Variants in ITK observed in about 807,000 individuals in gnomAD.
The protein encoded by ITK is IL2 inducible T cell kinase, also known as tyrosine-protein kinase ITK/TSK.
ITK carries 45 observed loss-of-function variants against 87.6 expected under a neutral mutation model. That is an observed-to-expected ratio of 0.51 (90% confidence interval 0.40 to 0.66). The LOEUF is 0.66. ITK is among the 30% of genes least tolerant of loss of function. ITK has a pLI of 0.00. For synonymous variants in ITK, 303 were observed against 273.6 expected (o/e 1.11, Z -1.06); for missense variants, 605 against 766.3 (o/e 0.79, Z 2.48).
At chr5:157,225,549 C>T (rs1754515332) in intron 6 of ITK, among the ~76,000 whole-genome samples, 1 of 151,980 alleles carries the variant, frequency 6.6e-6, no homozygotes, top group South Asian at 2.1e-4. Flanking sequence ...TTTCAAGGTG[C>T]CTTCTCTTTA....
At chr5:157,217,759 T>C in intron 4 of ITK, 108 bp from the exon 5 acceptor site, 2 of 919,044 alleles carry the variant, frequency 2.2e-6, no homozygotes, top group Non-Finnish European at 1.8e-6. Context: ...TTTCTTCTGT[T>C]GTTTTCCCTG....
At chr5:157,214,852 T>G (rs928678905) in intron 4 of ITK, among the ~76,000 whole-genome samples, 14 of 152,218 alleles carry the variant, frequency 9.2e-5, no homozygotes, top group African/African-American at 3.1e-4. Context: ...CATTTTACTC[T>G]GTGATTTCTC....
At chr5:157,204,567 C>T (rs1334043514) in intron 1 of ITK, among the ~76,000 whole-genome samples, 1 of 152,090 alleles carries the variant, frequency 6.6e-6, no homozygotes, top group East Asian at 1.9e-4. Context: ...GGCGTGGTGG[C>T]ACATGCCTGT....
Position 157,255,142 on chromosome 5 carries a change from A to G in ITK, c.*2464A>G, listed in dbSNP as rs1755225426. 5.4e-6 allele frequency: 1 copy of G among 185,748 alleles called. No individual in the cohort carries two copies. The highest frequency in any genetic ancestry group is 2.0e-4 in the South Asian group (1 of 5,094). 11.5% of individuals were successfully genotyped at this position (185,748 alleles called of 1,614,324 possible). ...GAGCACACAGAGTTAAAAGTTGAAT[A>G]TAGCAATATTAAAGCTGCATTTTAA... On this transcript the variant is annotated 3_prime_UTR_variant, in exon 17 of 17. Transcript: ENST00000422843.
chr5:157,207,153 A>G (rs2113751032), intron 1 of ITK, among the ~76,000 whole-genome samples: 1 of 152,232 alleles, frequency 6.6e-6, no homozygotes, highest in South Asian at 2.1e-4. Context: ...TAATGAGATT[A>G]ATCAAAAACA....
intron 11 of ITK, among the ~76,000 whole-genome samples, chr5:157,242,322 T>C (rs1472209078): frequency 6.6e-6 from 1 of 152,202 alleles, no homozygotes; most frequent in Admixed American, 6.5e-5. Context: ...GTGCTGCCTG[T>C]GGAGAAGGCT....
chr5:157,250,060 A>C (rs929774906), intron 16 of ITK, among the ~76,000 whole-genome samples: 1 of 152,150 alleles, frequency 6.6e-6, no homozygotes, highest in African/African-American at 2.4e-5. Context: ...CAATTAGTGA[A>C]CCTCTATTCA....
chr5:157,225,419 C>T (rs1177373998), intron 6 of ITK, among the ~76,000 whole-genome samples: 1 of 151,490 alleles, frequency 6.6e-6, no homozygotes, highest in Non-Finnish European at 1.5e-5. Context: ...ATGGAAGTGC[C>T]AAGACTGGGT....
intron 1 of ITK, among the ~76,000 whole-genome samples, chr5:157,197,314 G>C (rs1223916787): frequency 6.6e-6 from 1 of 152,100 alleles, no homozygotes; most frequent in Non-Finnish European, 1.5e-5. Flanking sequence ...GGTTACAAGG[G>C]CGTGCATCAT....
chr5:157,210,823 T>A lies in ITK; in HGVS notation c.244-464T>A, dbSNP rs140620433. On this transcript the variant is annotated intron_variant, in intron 2 of 16. Transcript: ENST00000422843. The stretch of plus-strand genomic sequence containing the variant: ...TTGTGGTTACGTAAGATGTCATCAG[T>A]GGAGAAAAGTAGGTGAAAAGTACAC... 2.6e-5 allele frequency among the ~76,000 whole-genome samples: 4 copies of A among 151,558 alleles called. No homozygotes were observed. In the East Asian group the frequency reaches 7.8e-4, roughly 30 times the overall value.
At chr5:157,202,679 G>A (rs1182374942) in intron 1 of ITK, among the ~76,000 whole-genome samples, 1 of 152,094 alleles carries the variant, frequency 6.6e-6, no homozygotes, top group African/African-American at 2.4e-5. Context: ...TGGGTCAAAT[G>A]GTAATTCTGT....
At chr5:157,218,503 C>A (rs1162779284) in intron 5 of ITK, among the ~76,000 whole-genome samples, 1 of 130,880 alleles carries the variant, frequency 7.6e-6, no homozygotes, top group Admixed American at 7.9e-5. Context: ...AGCAAGACCC[C>A]GTCTCCAGAA....
At chr5:157,241,982 A>G (rs1195847057) in intron 11 of ITK, among the ~76,000 whole-genome samples, 1 of 152,248 alleles carries the variant, frequency 6.6e-6, no homozygotes, top group African/African-American at 2.4e-5. Context: ...TTAAGCACCT[A>G]CTTTGTACAG....
chr5:157,188,981 G>A (rs1753699594), intron 1 of ITK, among the ~76,000 whole-genome samples: 1 of 152,162 alleles, frequency 6.6e-6, no homozygotes, highest in Admixed American at 6.5e-5. Context: ...GCACTGGTTA[G>A]TTGTAGTAGG....
intron 1 of ITK, 81 bp from the exon 2 acceptor site, chr5:157,208,808 T>C: frequency 1.0e-6 from 1 of 953,610 alleles, no homozygotes; most frequent in Non-Finnish European, 1.7e-6. Flanking sequence ...GGATCTTATC[T>C]AGCAGTAGAT....
At chr5:157,207,697 C>T (rs1754111072) in intron 1 of ITK, among the ~76,000 whole-genome samples, 1 of 152,050 alleles carries the variant, frequency 6.6e-6, no homozygotes, top group African/African-American at 2.4e-5. Context: ...CTCCTTAATC[C>T]AGTCAATTTG....
chr5:157,190,111 A>G (rs1250687629), intron 1 of ITK, among the ~76,000 whole-genome samples: 4 of 152,214 alleles, frequency 2.6e-5, no homozygotes, highest in Non-Finnish European at 5.9e-5. Flanking sequence ...TTTTAATAAA[A>G]TAAGAGCTAG....
chr5:157,233,837 A>AAGATGATT (rs1754706926), intron 8 of ITK, among the ~76,000 whole-genome samples: 1 of 148,552 alleles, frequency 6.7e-6, no homozygotes. Context: ...TGACTTCTAA[A>AAGATGATT]AGATGATTCC....
At chr5:157,185,871 C>A (rs1300015509) in intron 1 of ITK, among the ~76,000 whole-genome samples, 1 of 152,028 alleles carries the variant, frequency 6.6e-6, no homozygotes, top group Non-Finnish European at 1.5e-5. Flanking sequence ...ATTAAACATT[C>A]CTTCATGATC....
Sources: gnomAD v4.1 joint callset for allele counts (sites outside exome capture counted in the v4.1 genomes callset) on GRCh38, gnomAD v4.1.1 for gene constraint, MANE v1.5 for transcripts, NCBI Gene and HGNC (gene_info 2026-07-23, HGNC 2026-07-21) for gene names.